The following TBC1D30 variants were observed in gnomAD, a reference collection of about 807,000 sequenced individuals.
The protein encoded by TBC1D30 is TBC1 domain family member 30.
Under a neutral mutation model 63.2 loss-of-function variants are expected in TBC1D30, and 31 were observed. That is an observed-to-expected ratio of 0.49 (90% CI 0.37 to 0.66). The LOEUF (loss-of-function observed/expected upper bound fraction) is 0.66, where lower values mean the gene tolerates loss of function less well. Among genes scored for constraint, TBC1D30 ranks in the 30% least tolerant of loss-of-function variants. TBC1D30 has a pLI of 0.00. For synonymous variants in TBC1D30, 307 were observed against 361.5 expected (o/e 0.85, Z 1.71); for missense variants, 810 against 953.6 (o/e 0.85, Z 1.98).
upstream of TBC1D30, among the ~76,000 whole-genome samples, chr12:64,777,247 G>A (rs936343368): frequency 5.3e-5 from 8 of 152,150 alleles, no homozygotes; most frequent in African/African-American, 1.9e-4. Flanking sequence ...AGTATTGGAA[G>A]TTCTGGCCAG....
At chr12:64,797,728 T>C (rs1435904163) in intron 2 of TBC1D30, among the ~76,000 whole-genome samples, 1 of 152,182 alleles carries the variant, frequency 6.6e-6, no homozygotes, top group Non-Finnish European at 1.5e-5. Flanking sequence ...AGAGAAAATG[T>C]AAGCAATCAA....
chr12:64,797,439 C>T (rs1872345745), intron 2 of TBC1D30, among the ~76,000 whole-genome samples: 2 of 152,200 alleles, frequency 1.3e-5, no homozygotes, highest in Admixed American at 1.3e-4. Context: ...ATTTATTCCA[C>T]TCTTTGTCAT....
At chr12:64,767,687 C>T (rs1429828662) in intron 1 of TBC1D30, among the ~76,000 whole-genome samples, 1 of 148,948 alleles carries the variant, frequency 6.7e-6, no homozygotes, top group African/African-American at 2.5e-5. Flanking sequence ...TCCTGCAGAA[C>T]ATCTTACCCA....
At chr12:64,848,795 T>C (rs1370802286) in intron 8 of TBC1D30, among the ~76,000 whole-genome samples, 8 of 152,220 alleles carry the variant, frequency 5.3e-5, no homozygotes, top group Non-Finnish European at 8.8e-5. Context: ...TACCCAGTAA[T>C]GGGATTGCTG....
intron 2 of TBC1D30, among the ~76,000 whole-genome samples, chr12:64,800,803 A>G (rs1408594412): frequency 1.3e-5 from 2 of 152,310 alleles, no homozygotes; most frequent in South Asian, 2.1e-4. Flanking sequence ...ATGTGTACAT[A>G]TAGTTAAATA....
chr12:64,875,935 G>A lies in TBC1D30; in HGVS notation c.*147G>A. On this transcript the variant is annotated 3_prime_UTR_variant, in exon 12 of 12. Coordinates refer to ENST00000539867, the MANE Select transcript of TBC1D30 (RefSeq NM_015279.2). ...AGCCCATAAAAAATGGGAACTGGAA[G>A]TTTTATAATAGGAGTTAGAACAGGG... The A allele has an allele frequency of 1.2e-6, 1 of 807,856 alleles. No homozygotes were observed. The highest frequency in any genetic ancestry group is 1.8e-6 in the Non-Finnish European group (1 of 541,630). The allele number at this position is 807,856 out of a possible 1,614,324, so 50.0% of individuals were successfully genotyped here.
intron 8 of TBC1D30, among the ~76,000 whole-genome samples, chr12:64,863,540 G>T (rs7973822): frequency 1.3e-5 from 2 of 152,106 alleles, no homozygotes; most frequent in Admixed American, 6.5e-5. Flanking sequence ...CACAGTAAGC[G>T]TGGAGAATTG....
At chr12:64,850,923 A>G (rs1876815404) in intron 8 of TBC1D30, among the ~76,000 whole-genome samples, 1 of 152,034 alleles carries the variant, frequency 6.6e-6, no homozygotes, top group African/African-American at 2.4e-5. Context: ...TTTGGTTGGT[A>G]GGCTATTACT....
At position 64,875,942 on chromosome 12, in the gene TBC1D30, A is replaced by G. The variant is rs1422919075; in HGVS notation, c.*154A>G. 8 of 751,300 alleles carry G rather than the reference A, an allele frequency of 1.1e-5. No individual in the cohort carries two copies. In the East Asian group the frequency reaches 2.2e-4, roughly 21 times the overall value. 46.5% of individuals were successfully genotyped at this position (751,300 alleles called of 1,614,324 possible). The stretch of plus-strand genomic sequence containing the variant: ...AAAAAATGGGAACTGGAAGTTTTAT[A>G]ATAGGAGTTAGAACAGGGCTGTTTT... On this transcript the variant is annotated 3_prime_UTR_variant, in exon 12 of 12. Coordinates refer to ENST00000539867, the MANE Select transcript of TBC1D30 (RefSeq NM_015279.2).
chr12:64,859,832 T>A (rs377277470), intron 8 of TBC1D30, among the ~76,000 whole-genome samples: 30 of 152,200 alleles, frequency 2.0e-4, no homozygotes, highest in Admixed American at 5.9e-4. Flanking sequence ...CATCCAGGCC[T>A]CTGTAGGCCA....
At chr12:64,824,593 C>A (rs1021780612), upstream of TBC1D30, 1 of 314,216 alleles carries the variant, frequency 3.2e-6, no homozygotes, top group Non-Finnish European at 5.6e-6. Context: ...GTCTCCCACG[C>A]GCTCGCTCGC....
At chr12:64,829,442 G>A (rs535668707) in intron 3 of TBC1D30, among the ~76,000 whole-genome samples, 2 of 152,294 alleles carry the variant, frequency 1.3e-5, no homozygotes, top group African/African-American at 4.8e-5. Context: ...TTTGGCCTGA[G>A]TGATTGGGAG....
chr12:64,879,264 AT>A lies in TBC1D30; in HGVS notation c.*3477del, dbSNP rs1879305547. 1 of 152,196 alleles carries A rather than the reference AT, an allele frequency of 6.6e-6. No individual in the cohort carries two copies. Among genetic ancestry groups the A allele is most frequent in the African/African-American group, 2.4e-5 (1 of 41,442 alleles). 9.4% of individuals were successfully genotyped at this position (152,196 alleles called of 1,614,324 possible). On this transcript the variant is annotated 3_prime_UTR_variant, in exon 12 of 12. Coordinates refer to ENST00000539867, the MANE Select transcript of TBC1D30 (RefSeq NM_015279.2). Reference sequence around the variant, plus strand: ...TCTTTCTGGTAAATGCTCTTATACAATATGATTTTTAGTGACTAATATTCCC... The same window carrying A: ...TCTTTCTGGTAAATGCTCTTATACAAATGATTTTTAGTGACTAATATTCCC...
At chr12:64,776,571 C>A (rs985597699), upstream of TBC1D30, among the ~76,000 whole-genome samples, 5 of 152,086 alleles carry the variant, frequency 3.3e-5, no homozygotes, top group Admixed American at 3.3e-4. Context: ...GAAATTCAGT[C>A]CCTGAACAGA....
At chr12:64,783,755 AACC>A (rs1871405088) in intron 1 of TBC1D30, among the ~76,000 whole-genome samples, 1 of 151,192 alleles carries the variant, frequency 6.6e-6, no homozygotes, top group East Asian at 1.9e-4. Context: ...ATAATGTAAG[AACC>A]CTTTTGTGGA....
chr12:64,842,877 C>A (rs989145536), intron 7 of TBC1D30, among the ~76,000 whole-genome samples: 1 of 152,172 alleles, frequency 6.6e-6, no homozygotes, highest in Non-Finnish European at 1.5e-5. Context: ...AATGACAGGA[C>A]TTACCCAAAA....
At chr12:64,866,463 T>A (rs12231249) in intron 9 of TBC1D30, among the ~76,000 whole-genome samples, 27,005 of 151,124 alleles carry the variant, frequency 0.18, 2,977 homozygotes, top group East Asian at 0.27. Context: ...TGAGACGGAG[T>A]CTTGCTCTGT....
At chr12:64,788,396 A>G (rs1320911002) in intron 2 of TBC1D30, among the ~76,000 whole-genome samples, 1 of 152,098 alleles carries the variant, frequency 6.6e-6, no homozygotes, top group Non-Finnish European at 1.5e-5. Context: ...ACTCATTATT[A>G]TTGTTTGTAC....
upstream of TBC1D30, among the ~76,000 whole-genome samples, chr12:64,820,060 C>G (rs1338778300): frequency 6.6e-6 from 1 of 152,142 alleles, no homozygotes; most frequent in East Asian, 1.9e-4. Context: ...TCCCTGTGGT[C>G]TCTCTCTCCT....
Sources: gnomAD v4.1 joint callset for allele counts (sites outside exome capture counted in the v4.1 genomes callset) on GRCh38, gnomAD v4.1.1 for gene constraint, MANE v1.5 for transcripts, NCBI Gene and HGNC (gene_info 2026-07-23, HGNC 2026-07-21) for gene names.